Variants in ANKHD1 observed in about 807,000 individuals in gnomAD.
ANKHD1 encodes the protein ankyrin repeat and KH domain-containing protein 1.
Under a neutral mutation model 230.5 loss-of-function variants are expected in ANKHD1, and 31 were observed. The ratio of observed to expected loss-of-function variants is 0.13; its 90% CI spans 0.10 to 0.18. The LOEUF (loss-of-function observed/expected upper bound fraction) is 0.18, where lower values mean the gene tolerates loss of function less well. ANKHD1 is among the 10% of genes least tolerant of loss of function. The pLI, the probability that ANKHD1 is intolerant of heterozygous loss-of-function variation, is 1.00. For synonymous variants in ANKHD1, 1,074 were observed against 1,117.6 expected (o/e 0.96, Z 0.78); for missense variants, 2,256 against 3,071.3 (o/e 0.73, Z 6.27).
Position 140,508,005 on chromosome 5 carries a change from A to G in ANKHD1, c.3765+7A>G, listed in dbSNP as rs759785749. ...TGTTGAACATAGGGCAAAGGTAAGC[A>G]TTTTTTACTTGTCAACTATTTCAGA... On this transcript the variant is annotated splice_region_variant and intron_variant, in intron 20 of 33. Coordinates refer to ENST00000360839, the MANE Select transcript of ANKHD1 (RefSeq NM_017747.3). 91 of 1,603,520 alleles carry G rather than the reference A, an allele frequency of 5.7e-5. 1 individual carries two copies. The Middle Eastern group carries it at 1.5e-3, about 26-fold the overall frequency.
chr5:140,439,850 T>C (rs559057485), intron 3 of ANKHD1, among the ~76,000 whole-genome samples: 1 of 152,348 alleles, frequency 6.6e-6, no homozygotes, highest in South Asian at 2.1e-4. Flanking sequence ...TAAAAAACTT[T>C]ATTTAAAATT....
chr5:140,439,574 A>G lies in ANKHD1; in HGVS notation c.618-545A>G, dbSNP rs546268523. Among the ~76,000 whole-genome samples, 3 of 152,224 alleles carry G rather than the reference A, an allele frequency of 2.0e-5. No homozygotes were observed. In the East Asian group the frequency reaches 5.8e-4, roughly 29 times the overall value. ...AATCCCAGCTACTTGAGAGGCTAAG[A>G]CACAAGAATCACTTGAACCTGGGAG... On this transcript the variant is annotated intron_variant, in intron 3 of 33. Coordinates refer to ENST00000360839, the MANE Select transcript of ANKHD1 (RefSeq NM_017747.3).
intron 10 of ANKHD1, among the ~76,000 whole-genome samples, chr5:140,478,895 CG>C (rs1751110937): frequency 6.6e-6 from 1 of 152,076 alleles, no homozygotes; most frequent in African/African-American, 2.4e-5. Context: ...CCGCCTGCCT[CG>C]GCCTCCTAAA....
intron 25 of ANKHD1, 122 bp downstream of exon 25, chr5:140,524,362 G>A (rs1367798402): frequency 3.6e-6 from 5 of 1,385,116 alleles, no homozygotes; most frequent in Non-Finnish European, 4.7e-6. Context: ...ATCTGAAATG[G>A]ACAATGACTT....
intron 13 of ANKHD1, chr5:140,486,703 G>T: frequency 4.1e-6 from 1 of 241,628 alleles, no homozygotes; most frequent in South Asian, 9.0e-5. Context: ...AACCAGCAAG[G>T]CGTTCTATTC....
intron 1 of ANKHD1, among the ~76,000 whole-genome samples, chr5:140,408,422 A>G: frequency 6.6e-6 from 1 of 152,318 alleles, no homozygotes; most frequent in East Asian, 1.9e-4. Context: ...TCAAATTTAA[A>G]AGTGTAGCTT....
intron 20 of ANKHD1, among the ~76,000 whole-genome samples, 183 bp downstream of exon 20, chr5:140,508,181 G>A (rs1054191662): frequency 2.6e-5 from 4 of 152,140 alleles, no homozygotes; most frequent in African/African-American, 7.2e-5. Context: ...CTTTTATTAA[G>A]GACAATGAAG....
chr5:140,473,116 C>T (rs1368733241), intron 10 of ANKHD1, among the ~76,000 whole-genome samples: 6 of 150,982 alleles, frequency 4.0e-5, no homozygotes, highest in African/African-American at 9.8e-5. Flanking sequence ...GCAGCCTCTG[C>T]CTCCTGGGTT....
At chr5:140,473,127 C>G (rs1750759658) in intron 10 of ANKHD1, among the ~76,000 whole-genome samples, 1 of 150,132 alleles carries the variant, frequency 6.7e-6, no homozygotes, top group Non-Finnish European at 1.5e-5. Context: ...CTCCTGGGTT[C>G]AAGCGATTAT....
chr5:140,509,601 A>G, intron 20 of ANKHD1, 36 bp from the exon 21 acceptor site: 1 of 1,472,914 alleles, frequency 6.8e-7, no homozygotes, highest in Non-Finnish European at 9.0e-7. Context: ...AAAAAAAGAA[A>G]TGTAACTTAG....
intron 6 of ANKHD1, among the ~76,000 whole-genome samples, chr5:140,447,143 T>C (rs1774345253): frequency 6.6e-6 from 1 of 152,098 alleles, no homozygotes; most frequent in Admixed American, 6.5e-5. Flanking sequence ...CCTCAAATGA[T>C]CCACCTGCCT....
intron 1 of ANKHD1, among the ~76,000 whole-genome samples, chr5:140,417,423 TAAA>T (rs1269000086): frequency 2.0e-5 from 3 of 151,592 alleles, no homozygotes; most frequent in African/African-American, 7.2e-5. Flanking sequence ...TTTTTTTAAT[TAAA>T]AAATTTTTTA....
chr5:140,465,199 A>G (rs1775999518), intron 10 of ANKHD1: 1 of 152,660 alleles, frequency 6.6e-6, no homozygotes, highest in Non-Finnish European at 1.5e-5. Flanking sequence ...ATACATGTAT[A>G]TAATGTGTAA....
chr5:140,464,920 T>C, intron 10 of ANKHD1, 144 bp downstream of exon 10: 1 of 770,602 alleles, frequency 1.3e-6, no homozygotes, highest in Non-Finnish European at 1.9e-6. Flanking sequence ...CTAGTTGTTG[T>C]ATGTATTAAA....
chr5:140,445,688 AT>A (rs1561733148), intron 5 of ANKHD1, 53 bp from the exon 6 acceptor site: 1 of 1,320,442 alleles, frequency 7.6e-7, no homozygotes, highest in Non-Finnish European at 9.8e-7. Context: ...ATTTATTTTT[AT>A]TTTTTAAATA....
rs1753639577 is a variant in ANKHD1 at position 140,527,111 on chromosome 5, T to C, written c.5087+37T>C. 1.9e-6 allele frequency: 3 copies of C among 1,583,692 alleles called. No individual in the cohort carries two copies. In the African/African-American group the frequency reaches 4.1e-5, roughly 22 times the overall value. On this transcript the variant is annotated intron_variant, in intron 27 of 33. Coordinates refer to ENST00000360839, the MANE Select transcript of ANKHD1 (RefSeq NM_017747.3). This position sits in a 1 kb window ranked among gnomAD's most constrained non-coding sequence, Gnocchi z 4.5. ...TAGTTCCATCTTTTTAGCTTTCATA[T>C]ATTTTCCCTTTCTCATGTGAGATGG...
At chr5:140,462,376 C>G (rs964138311) in intron 9 of ANKHD1, among the ~76,000 whole-genome samples, 3 of 151,998 alleles carry the variant, frequency 2.0e-5, no homozygotes, top group Non-Finnish European at 4.4e-5. Context: ...CCTTGACTAT[C>G]TATAAAGAGA....
chr5:140,469,570 A>G (rs1008180115), intron 10 of ANKHD1, among the ~76,000 whole-genome samples: 4 of 152,038 alleles, frequency 2.6e-5, no homozygotes, highest in Non-Finnish European at 5.9e-5. Context: ...ATTGCTCCCA[A>G]AGTTTTAGCG....
rs1194807830 is a variant in ANKHD1 at position 140,440,171 on chromosome 5, T to C, written c.670T>C (p.Leu224=). ...TGGGGATGTTAATGCTGTTCGTAAA[T>C]TGCTAGATGAAGGCAGAAGTGTAAA... The part of the protein sequence containing the change: ...SDGDVNAVRK[L]LDEGRSVNEH... Residue 224 remains leucine (L), a synonymous_variant, in exon 4 of 34, where the codon TTG becomes CTG. Transcript: ENST00000360839. The C allele has an allele frequency of 1.9e-6, 3 of 1,613,312 alleles. No individual in the cohort carries two copies. Among genetic ancestry groups the C allele is most frequent in the Non-Finnish European group, 2.5e-6 (3 of 1,179,570 alleles).
Sources: gnomAD v4.1 joint callset for allele counts (sites outside exome capture counted in the v4.1 genomes callset) on GRCh38, gnomAD v4.1.1 for gene constraint, Gnocchi (gnomAD v3.1) non-coding constraint, MANE v1.5 for transcripts, NCBI Gene and HGNC (gene_info 2026-07-23, HGNC 2026-07-21) for gene names.